Variants in KAZN observed in about 807,000 individuals in gnomAD.
The protein encoded by KAZN is kazrin.
A neutral mutation model predicts 87.4 loss-of-function variants in KAZN; 40 were observed. The ratio of observed to expected loss-of-function variants is 0.46; its 90% CI spans 0.36 to 0.60. KAZN has a LOEUF of 0.60. KAZN is among the 20% of genes least tolerant of loss of function. KAZN has a pLI of 0.00. For synonymous variants in KAZN, 466 were observed against 458.3 expected (o/e 1.02, Z -0.22); for missense variants, 898 against 1,073.9 (o/e 0.84, Z 2.29).
At chr1:14,398,087 G>A (rs1050415545) in intron 2 of KAZN, among the ~76,000 whole-genome samples, 3 of 152,116 alleles carry the variant, frequency 2.0e-5, no homozygotes, top group Non-Finnish European at 4.4e-5. Context: ...ATAGCTGCTC[G>A]CTCCCTAGCC....
intron 13 of KAZN, among the ~76,000 whole-genome samples, chr1:15,109,110 C>T (rs780871155): frequency 9.2e-5 from 14 of 152,138 alleles, no homozygotes; most frequent in Non-Finnish European, 2.1e-4. Flanking sequence ...GCTGGCCAGG[C>T]ACGGTGGCTC....
chr1:14,780,560 C>T (rs1462225184), intron 1 of KAZN, among the ~76,000 whole-genome samples: 2 of 152,190 alleles, frequency 1.3e-5, no homozygotes, highest in African/African-American at 4.8e-5. Context: ...TTAGAATCTG[C>T]CCCATAGGGT....
At chr1:14,611,011 C>T (rs1462963825) in intron 1 of KAZN, among the ~76,000 whole-genome samples, 1 of 152,212 alleles carries the variant, frequency 6.6e-6, no homozygotes, top group Non-Finnish European at 1.5e-5. Context: ...AGTGGTCCAG[C>T]TTCATGCCCA....
At chr1:14,175,605 T>C (rs1338842769) in intron 1 of KAZN, among the ~76,000 whole-genome samples, 1 of 152,180 alleles carries the variant, frequency 6.6e-6, no homozygotes, top group Non-Finnish European at 1.5e-5. Flanking sequence ...GTGAGTAGTG[T>C]ACGCAAAAGA....
intron 1 of KAZN, among the ~76,000 whole-genome samples, chr1:14,054,486 A>G (rs1460735186): frequency 6.6e-6 from 1 of 152,222 alleles, no homozygotes; most frequent in Non-Finnish European, 1.5e-5. Context: ...AAAAATGGGA[A>G]GAGGAAGAAA....
chr1:14,927,941 G>C (rs893098187), intron 1 of KAZN, among the ~76,000 whole-genome samples: 1 of 151,738 alleles, frequency 6.6e-6, no homozygotes, highest in African/African-American at 2.4e-5. Context: ...CAGTTGTGTC[G>C]TGAACGAAAC....
At chr1:14,651,148 TGGTA>T (rs1023877382) in intron 1 of KAZN, among the ~76,000 whole-genome samples, 7 of 152,228 alleles carry the variant, frequency 4.6e-5, no homozygotes, top group African/African-American at 1.7e-4. Context: ...AAACACTTCC[TGGTA>T]ATTCCTCATC....
Position 14,837,873 on chromosome 1 carries a change from T to C in KAZN, c.227-122811T>C, listed in dbSNP as rs1034623120. Reference sequence around the variant, plus strand: ...CCTGGCTCATATTCTTTTGTGTGAATATAAAACGGTTTATTTAACCATTCT... The same window carrying C: ...CCTGGCTCATATTCTTTTGTGTGAACATAAAACGGTTTATTTAACCATTCT... On this transcript the variant is annotated intron_variant, in intron 1 of 14. Coordinates refer to ENST00000376030, the MANE Select transcript of KAZN (RefSeq NM_201628.3). 4.6e-5 allele frequency among the ~76,000 whole-genome samples: 7 copies of C among 152,208 alleles called. No homozygotes were observed. In the South Asian group the frequency reaches 6.2e-4, roughly 14 times the overall value.
At chr1:14,491,320 T>C (rs1017959729) in intron 2 of KAZN, among the ~76,000 whole-genome samples, 3 of 152,234 alleles carry the variant, frequency 2.0e-5, no homozygotes, top group African/African-American at 4.8e-5. Flanking sequence ...ATTATTGTTA[T>C]ACTTTAAGTT....
chr1:14,631,800 G>A (rs962709965), intron 1 of KAZN, among the ~76,000 whole-genome samples: 1 of 152,206 alleles, frequency 6.6e-6, no homozygotes, highest in African/African-American at 2.4e-5. Context: ...AAGCTCTCGG[G>A]TGAAATGTAC....
chr1:15,065,027 CTTTTTT>C (rs780410306), intron 7 of KAZN, among the ~76,000 whole-genome samples: 1 of 102,740 alleles, frequency 9.7e-6, no homozygotes, highest in Non-Finnish European at 1.8e-5. Context: ...CTTTTTCTTT[CTTTTTT>C]TTTTTTTTTT....
chr1:15,056,847 C>T lies in KAZN; in HGVS notation c.916+567C>T, dbSNP rs1638329456. The stretch of plus-strand genomic sequence containing the variant: ...GTCTGGCCTGTGGACAGCATCTGCA[C>T]CTACTGCCCATGGAACAGGCTCCAA... On this transcript the variant is annotated intron_variant, in intron 5 of 14. Transcript: ENST00000376030. This position sits in a 1 kb window ranked among gnomAD's most constrained non-coding sequence, Gnocchi z 5.4. 6.6e-6 allele frequency among the ~76,000 whole-genome samples: 1 copy of T among 152,230 alleles called. No individual in the cohort carries two copies. The highest frequency in any genetic ancestry group is 2.1e-4 in the South Asian group (1 of 4,832).
intron 1 of KAZN, among the ~76,000 whole-genome samples, chr1:14,023,355 T>C (rs1036528506): frequency 1.3e-5 from 2 of 152,054 alleles, no homozygotes; most frequent in African/African-American, 4.8e-5. Flanking sequence ...CAAGAAACAA[T>C]ACTTTTTGAG....
At chr1:14,983,366 G>A (rs893202518) in intron 2 of KAZN, among the ~76,000 whole-genome samples, 3 of 152,160 alleles carry the variant, frequency 2.0e-5, no homozygotes, top group Non-Finnish European at 4.4e-5. Context: ...GGCAGTCATC[G>A]AAAACGCAAA....
intron 1 of KAZN, among the ~76,000 whole-genome samples, chr1:13,948,727 A>T (rs1257859291): frequency 6.6e-6 from 1 of 152,086 alleles, no homozygotes; most frequent in African/African-American, 2.4e-5. Context: ...TCCTGTTGCA[A>T]TGATGCTCAG....
intron 1 of KAZN, among the ~76,000 whole-genome samples, chr1:14,106,926 C>T (rs1385999839): frequency 1.3e-5 from 2 of 149,258 alleles, no homozygotes; most frequent in Non-Finnish European, 1.5e-5. Flanking sequence ...CACTCAACCA[C>T]CCTTTCCCTC....
intron 1 of KAZN, among the ~76,000 whole-genome samples, chr1:14,001,746 G>A (rs1326503392): frequency 3.3e-5 from 5 of 152,136 alleles, no homozygotes; most frequent in Non-Finnish European, 7.4e-5. Context: ...AAAAAGCAAT[G>A]GGGAAAGGAT....
At chr1:14,492,827 A>C (rs1041923723) in intron 2 of KAZN, among the ~76,000 whole-genome samples, 1 of 148,898 alleles carries the variant, frequency 6.7e-6, no homozygotes, top group Non-Finnish European at 1.5e-5. Context: ...TACCGCCCAT[A>C]TATCACACAC....
intron 1 of KAZN, among the ~76,000 whole-genome samples, chr1:14,141,678 G>A (rs1645243460): frequency 6.6e-6 from 1 of 152,008 alleles, no homozygotes; most frequent in Non-Finnish European, 1.5e-5. Context: ...GTACCTGCCT[G>A]GACGATAAGT....
Sources: gnomAD v4.1 joint callset for allele counts (sites outside exome capture counted in the v4.1 genomes callset) on GRCh38, gnomAD v4.1.1 for gene constraint, Gnocchi (gnomAD v3.1) non-coding constraint, MANE v1.5 for transcripts, NCBI Gene and HGNC (gene_info 2026-07-23, HGNC 2026-07-21) for gene names.